Variants in TMEM267 observed in about 807,000 individuals in gnomAD.
TMEM267 encodes the protein transmembrane protein C5orf28.
TMEM267 carries 20 observed loss-of-function variants against 19.3 expected under a neutral mutation model. That is an observed-to-expected ratio of 1.04 (90% confidence interval 0.73 to 1.51). The LOEUF is 1.51. Ranked by LOEUF, TMEM267 falls within the 40% of genes most tolerant of loss-of-function variation. TMEM267 has a pLI of 0.00. For missense variants in TMEM267, 242 were observed against 261.9 expected, an observed-to-expected ratio of 0.92 and a Z score of 0.52; for synonymous variants, 88 against 90.3, an observed-to-expected ratio of 0.97 and a Z score of 0.15.
chr5:43,448,606 G>A (rs548260482), intron 2 of TMEM267, among the ~76,000 whole-genome samples: 8 of 152,042 alleles, frequency 5.3e-5, no homozygotes, highest in South Asian at 4.1e-4. Flanking sequence ...AAGAAACCCC[G>A]TTTCTACTAA....
chr5:43,455,420 T>TAAA (rs35873992), intron 1 of TMEM267, among the ~76,000 whole-genome samples: 2 of 141,278 alleles, frequency 1.4e-5, no homozygotes, highest in Admixed American at 7.0e-5. Flanking sequence ...GACCCTGTCT[T>TAAA]AAAAAAAAAA....
rs371829293 is a variant in TMEM267 at position 43,477,147 on chromosome 5, G to A, written c.-75+6675C>T. 2.0e-5 allele frequency among the ~76,000 whole-genome samples: 3 copies of A among 151,884 alleles called. No homozygotes were observed. In the South Asian group the frequency reaches 6.2e-4, roughly 32 times the overall value. On this transcript the variant is annotated intron_variant, in intron 1 of 2. Coordinates refer to ENST00000397080, the MANE Select transcript of TMEM267 (RefSeq NM_022483.5). ...GAAGCTGCAGTAAAAAACTACGATC[G>A]CCCTACTGCACTCCAGCCTAAATGA...
At chr5:43,465,236 G>T (rs563327332) in intron 1 of TMEM267, among the ~76,000 whole-genome samples, 1 of 152,270 alleles carries the variant, frequency 6.6e-6, no homozygotes, top group African/African-American at 2.4e-5. Context: ...TCAGAGAAAT[G>T]CAAATCAAAA....
chr5:43,459,711 C>CA (rs1430409812), intron 1 of TMEM267, among the ~76,000 whole-genome samples: 16 of 152,012 alleles, frequency 1.1e-4, no homozygotes. Flanking sequence ...ATTAAGTGGT[C>CA]AATAAAAGGC....
At chr5:43,484,130 G>C (rs1286572552), upstream of TMEM267, 1 of 152,212 alleles carries the variant, frequency 6.6e-6, no homozygotes, top group Non-Finnish European at 1.5e-5. Context: ...CTGAGGATTC[G>C]TTTTTCAGTT....
intron 1 of TMEM267, among the ~76,000 whole-genome samples, chr5:43,467,808 A>T (rs1339747525): frequency 6.6e-6 from 1 of 152,184 alleles, no homozygotes; most frequent in Non-Finnish European, 1.5e-5. Context: ...AGAGATAGAT[A>T]CATATTCTGA....
Position 43,453,761 on chromosome 5 carries a change from C to T in TMEM267, c.209G>A (p.Gly70Glu), listed in dbSNP as rs764564128. The stretch of plus-strand genomic sequence containing the variant: ...TCCAAAGTCAGTCTTCTTCTTGATT[C>T]CAGTGACTACCGCCCATGACCACAT... ...IGMWSWAVVTGIKKKTDFGEI... is the reference protein window; with the variant it reads ...IGMWSWAVVTEIKKKTDFGEI... The change falls in exon 2 of 3, where the codon GGA becomes GAA. Residue 70 changes from glycine to glutamate, a missense_variant. Coordinates refer to ENST00000397080, the MANE Select transcript of TMEM267 (RefSeq NM_022483.5). 1.9e-6 allele frequency: 3 copies of T among 1,614,090 alleles called. No individual in the cohort carries two copies. The highest frequency in any genetic ancestry group is 8.5e-7 in the Non-Finnish European group (1 of 1,179,956).
intron 2 of TMEM267, among the ~76,000 whole-genome samples, chr5:43,449,372 C>G (rs1002810967): frequency 1.3e-5 from 2 of 152,004 alleles, no homozygotes; most frequent in Non-Finnish European, 2.9e-5. Flanking sequence ...AAATAGAATA[C>G]AGGCAAAAAG....
chr5:43,464,156 C>T (rs981548944), intron 1 of TMEM267, among the ~76,000 whole-genome samples: 3 of 152,042 alleles, frequency 2.0e-5, no homozygotes, highest in East Asian at 1.9e-4. Flanking sequence ...TCTTATACAC[C>T]AATAACAGAC....
At chr5:43,451,161 T>C (rs1347872900) in intron 2 of TMEM267, among the ~76,000 whole-genome samples, 1 of 152,146 alleles carries the variant, frequency 6.6e-6, no homozygotes, top group Non-Finnish European at 1.5e-5. Context: ...ACATGTCACT[T>C]ATCATGCTTA....
chr5:43,471,117 T>C (rs1388634442), intron 1 of TMEM267, among the ~76,000 whole-genome samples: 4 of 151,918 alleles, frequency 2.6e-5, no homozygotes, highest in Non-Finnish European at 5.9e-5. Context: ...AAAAGCAACA[T>C]ACAAAAGTCA....
At position 43,461,558 on chromosome 5, in the gene TMEM267, T is replaced by A. The variant is rs1743263419; in HGVS notation, c.-74-7515A>T. On this transcript the variant is annotated intron_variant, in intron 1 of 2. Transcript: ENST00000397080. ...TGCCCTGGGCCACAGAGGAGCCCAC[T>A]GCCCTAAAGGGTGGGTCTCAGGCCA... Among the ~76,000 whole-genome samples, 5 of 152,256 alleles carry A rather than the reference T, an allele frequency of 3.3e-5. No homozygotes were observed. In the South Asian group the frequency reaches 1.0e-3, roughly 32 times the overall value.
chr5:43,457,095 A>C (rs1349710365), intron 1 of TMEM267, among the ~76,000 whole-genome samples: 1 of 152,258 alleles, frequency 6.6e-6, no homozygotes, highest in Admixed American at 6.5e-5. Flanking sequence ...AAGTGAAAGA[A>C]GTCAAACAAA....
chr5:43,461,674 T>C (rs1743272460), intron 1 of TMEM267, among the ~76,000 whole-genome samples: 1 of 152,052 alleles, frequency 6.6e-6, no homozygotes, highest in Non-Finnish European at 1.5e-5. Context: ...CCTGGGGTGG[T>C]GGTGGCTATG....
chr5:43,472,195 C>T (rs141702190), intron 1 of TMEM267, among the ~76,000 whole-genome samples: 3 of 152,246 alleles, frequency 2.0e-5, no homozygotes, highest in Non-Finnish European at 2.9e-5. Flanking sequence ...TAAAGGTGCT[C>T]AGTATTTTTG....
chr5:43,461,589 C>A (rs1407080762), intron 1 of TMEM267, among the ~76,000 whole-genome samples: 6 of 152,104 alleles, frequency 3.9e-5, no homozygotes. Context: ...GGCCAGGCAG[C>A]ATCCACCACA....
chr5:43,465,642 T>C (rs1466934203), intron 1 of TMEM267, among the ~76,000 whole-genome samples: 2 of 152,056 alleles, frequency 1.3e-5, no homozygotes, highest in African/African-American at 4.8e-5. Context: ...AAAGGATGAG[T>C]TCATATCCTT....
At chr5:43,462,754 G>A (rs753329866) in intron 1 of TMEM267, among the ~76,000 whole-genome samples, 30 of 151,820 alleles carry the variant, frequency 2.0e-4, no homozygotes, top group Non-Finnish European at 3.4e-4. Context: ...AAAGGAAAAA[G>A]AATAAAAAAC....
intron 1 of TMEM267, chr5:43,479,854 G>C: frequency 2.3e-6 from 1 of 441,468 alleles, no homozygotes; most frequent in Non-Finnish European, 4.5e-6. Flanking sequence ...TCTCAACCAA[G>C]AGATGTGACC....
Sources: allele counts gnomAD v4.1 joint callset (sites outside exome capture counted in the v4.1 genomes callset), GRCh38; gene constraint gnomAD v4.1.1; transcripts MANE v1.5; gene names NCBI Gene and HGNC (gene_info 2026-07-23, HGNC 2026-07-21).